The following ADGRF5 variants were observed in gnomAD, a reference collection of about 807,000 sequenced individuals.
ADGRF5 encodes adhesion G protein-coupled receptor F5, also known as G-protein coupled receptor 116.
A neutral mutation model predicts 132.3 loss-of-function variants in ADGRF5; 75 were observed. The ratio of observed to expected loss-of-function variants is 0.57; its 90% CI spans 0.47 to 0.69. ADGRF5 has a LOEUF of 0.69. ADGRF5 is among the 30% of genes least tolerant of loss of function. The pLI is 0.00. For missense variants in ADGRF5, 1,516 were observed against 1,630.6 expected, an observed-to-expected ratio of 0.93 and a Z score of 1.21; for synonymous variants, 629 against 597.6, an observed-to-expected ratio of 1.05 and a Z score of -0.77.
chr6:46,853,887 C>T lies in ADGRF5; in HGVS notation c.*105G>A, dbSNP rs947346219. The stretch of plus-strand genomic sequence containing the variant: ...AAAAAGTCTTTTTGGCATCTGCTCC[C>T]GGAAACCTGCCCCGAGAACACGTTC... On this transcript the variant is annotated 3_prime_UTR_variant, in exon 21 of 21. Transcript: ENST00000283296. 2.8e-5 allele frequency: 21 copies of T among 756,308 alleles called. No individual in the cohort carries two copies. Among genetic ancestry groups the T allele is most frequent in the Middle Eastern group, 7.6e-4 (2 of 2,636 alleles). The allele number at this position is 756,308 out of a possible 1,614,324, so 46.8% of individuals were successfully genotyped here.
Position 46,867,306 on chromosome 6 carries a change from G to T in ADGRF5, c.1622-169C>A, listed in dbSNP as rs546608395. ...AATGCTTGATTGATTCCTCTTCTGGGTTCTCCATGCACTTGAAGGACTAAC... is the reference window on the plus strand; with the variant it reads ...AATGCTTGATTGATTCCTCTTCTGGTTTCTCCATGCACTTGAAGGACTAAC... On this transcript the variant is annotated intron_variant, in intron 12 of 20. Coordinates refer to ENST00000283296, the MANE Select transcript of ADGRF5 (RefSeq NM_001098518.2). Among the ~76,000 whole-genome samples the T allele has an allele frequency of 5.9e-5, 9 of 152,280 alleles. 1 individual carries two copies. The East Asian group carries it at 1.7e-3, about 29-fold the overall frequency.
At chr6:46,923,556 A>G (rs1410806557), upstream of ADGRF5, among the ~76,000 whole-genome samples, 2 of 152,174 alleles carry the variant, frequency 1.3e-5, no homozygotes, top group African/African-American at 4.8e-5. Context: ...ATACACCCTA[A>G]CTTAAAAAGA....
chr6:46,946,737 A>C (rs938765677), intron 1 of ADGRF5, among the ~76,000 whole-genome samples: 2 of 152,162 alleles, frequency 1.3e-5, no homozygotes, highest in African/African-American at 4.8e-5. Flanking sequence ...TGATCCTGGC[A>C]CAGATTTGGT....
At chr6:46,891,251 T>C (rs1581875616) in intron 3 of ADGRF5, among the ~76,000 whole-genome samples, 3 of 152,374 alleles carry the variant, frequency 2.0e-5, no homozygotes, top group African/African-American at 7.2e-5. Flanking sequence ...GTTGACTTTC[T>C]GATTCTCCAA....
chr6:46,901,716 C>T (rs948970582), intron 2 of ADGRF5, among the ~76,000 whole-genome samples: 2 of 151,990 alleles, frequency 1.3e-5, no homozygotes, highest in Non-Finnish European at 2.9e-5. Flanking sequence ...ATCTTATCAG[C>T]AGAGTCCTGG....
intron 2 of ADGRF5, 135 bp downstream of exon 2, chr6:46,906,526 T>C (rs1439834807): frequency 1.3e-5 from 8 of 631,900 alleles, no homozygotes; most frequent in Non-Finnish European, 2.0e-5. Flanking sequence ...TTTTTTCTTA[T>C]GTTGCAACTA....
intron 10 of ADGRF5, among the ~76,000 whole-genome samples, chr6:46,874,529 G>A (rs529916246): frequency 2.6e-5 from 4 of 152,326 alleles, no homozygotes; most frequent in African/African-American, 4.8e-5. Context: ...GTTTAGTTGA[G>A]AGATTAGGGA....
chr6:46,875,415 G>A (rs1771545600), intron 10 of ADGRF5, among the ~76,000 whole-genome samples: 1 of 152,162 alleles, frequency 6.6e-6, no homozygotes, highest in South Asian at 2.1e-4. Flanking sequence ...TCTATAAAAT[G>A]GTGGTGATGG....
intron 1 of ADGRF5, among the ~76,000 whole-genome samples, chr6:46,917,682 C>A (rs906627876): frequency 4.6e-5 from 7 of 152,166 alleles, no homozygotes; most frequent in East Asian, 1.9e-4. Context: ...ACCCGCCCCC[C>A]ACAGGCCCCT....
chr6:46,854,597 A>C, intron 20 of ADGRF5: 1 of 510,048 alleles, frequency 2.0e-6, no homozygotes, highest in Non-Finnish European at 3.6e-6. Flanking sequence ...TCAGCGCAGC[A>C]AGGAAGGCAG....
chr6:46,888,466 T>C lies in ADGRF5; in HGVS notation c.197A>G (p.Asn66Ser), dbSNP rs925078945. The change falls in exon 4 of 21, where the codon AAT (asparagine) becomes AGT (serine). Residue 66 changes from asparagine (N) to serine (S), a missense_variant. Asn to Ser is a conservative substitution (Grantham distance 46). Around this residue, in one of 2 missense-constraint regions of ADGRF5, gnomAD observed 945 missense variants for 929.4 expected, o/e 1.02. Transcript: ENST00000283296. ...KSPTAEEYTV[N>S]IEISFENASF... ...TGCATTTTCAAAACTGATCTCAATA[T>C]TAACAGTGTATTCTTCAGCCGTAGG... 2 of 1,613,424 alleles carry C rather than the reference T, an allele frequency of 1.2e-6. No homozygotes were observed. The highest frequency in any genetic ancestry group is 1.7e-6 in the Non-Finnish European group (2 of 1,179,388).
intron 1 of ADGRF5, among the ~76,000 whole-genome samples, chr6:46,935,571 T>C (rs959942458): frequency 2.6e-5 from 4 of 152,096 alleles, no homozygotes; most frequent in African/African-American, 9.7e-5. Flanking sequence ...AATTTGCCAC[T>C]ATCAAATAAA....
At chr6:46,944,102 T>C (rs142282862) in intron 1 of ADGRF5, among the ~76,000 whole-genome samples, 1 of 152,214 alleles carries the variant, frequency 6.6e-6, no homozygotes, top group Non-Finnish European at 1.5e-5. Flanking sequence ...GTGGTCTCCA[T>C]CCTCTTTGGC....
At chr6:46,944,040 T>C (rs986602073) in intron 1 of ADGRF5, among the ~76,000 whole-genome samples, 4 of 152,182 alleles carry the variant, frequency 2.6e-5, no homozygotes, top group Admixed American at 6.5e-5. Context: ...CTAAACATTG[T>C]TTTTTATGCC....
chr6:46,871,074 T>C (rs1414630371), intron 11 of ADGRF5, among the ~76,000 whole-genome samples: 1 of 151,868 alleles, frequency 6.6e-6, no homozygotes, highest in Non-Finnish European at 1.5e-5. Context: ...TAAGTCACAA[T>C]AGCAGAAAAC....
At chr6:46,903,235 T>C (rs1350923380) in intron 2 of ADGRF5, among the ~76,000 whole-genome samples, 1 of 152,106 alleles carries the variant, frequency 6.6e-6, no homozygotes, top group East Asian at 1.9e-4. Context: ...TTGCCAGGGC[T>C]CCCAGTGCTC....
chr6:46,854,068 G>A lies in ADGRF5; in HGVS notation c.3965C>T (p.Thr1322Met), dbSNP rs140284327. 160 of 1,593,370 alleles carry A rather than the reference G, an allele frequency of 1.0e-4. 1 individual carries two copies. The African/African-American group carries it at 1.5e-3, about 15-fold the overall frequency. ...TGCTTCTGGGGTGGAAACATTATAC[G>A]TTCCTGAAAAACAGAGCAGCAACTC... ...RFNNLFGKTG[T>M]YNVSTPEATS... Residue 1322 changes from threonine to methionine, a missense_variant, in exon 21 of 21, where the codon ACG becomes ATG. Transcript: ENST00000283296.
intron 1 of ADGRF5, among the ~76,000 whole-genome samples, chr6:46,936,048 G>A (rs1197639919): frequency 6.6e-6 from 1 of 152,202 alleles, no homozygotes. Flanking sequence ...TAGAAAACTT[G>A]CCTTGCATCG....
chr6:46,882,421 G>A (rs1772579742), intron 6 of ADGRF5, among the ~76,000 whole-genome samples: 1 of 152,188 alleles, frequency 6.6e-6, no homozygotes, highest in East Asian at 1.9e-4. Flanking sequence ...GGGAAGGAAG[G>A]TTGGCTAAAA....
Sources: allele counts gnomAD v4.1 joint callset (sites outside exome capture counted in the v4.1 genomes callset), GRCh38; gene constraint gnomAD v4.1.1; regional missense constraint gnomAD v4.1.1; transcripts MANE v1.5; gene names NCBI Gene and HGNC (gene_info 2026-07-23, HGNC 2026-07-21).